Variants in SPAG16 observed in about 807,000 individuals in gnomAD.
SPAG16 encodes sperm associated antigen 16.
In SPAG16, 86 loss-of-function variants were observed where a neutral mutation model predicts 80.4. That is an observed-to-expected ratio of 1.07 (90% CI 0.90 to 1.28). The LOEUF (loss-of-function observed/expected upper bound fraction) is 1.28. Ranked by LOEUF, SPAG16 falls within the 50% of genes most tolerant of loss-of-function variation. The pLI is 0.00. For synonymous variants in SPAG16, 294 were observed against 265.9 expected (o/e 1.11, Z -1.03); for missense variants, 870 against 765.3 (o/e 1.14, Z -1.61).
chr2:214,152,166 T>C (rs2056005200), intron 15 of SPAG16, among the ~76,000 whole-genome samples: 1 of 103,136 alleles, frequency 9.7e-6, no homozygotes, highest in Non-Finnish European at 1.8e-5. Flanking sequence ...TTTTGATGTA[T>C]AACAAAATTT....
intron 10 of SPAG16, among the ~76,000 whole-genome samples, chr2:213,516,121 A>G (rs2075414278): frequency 6.6e-6 from 1 of 152,238 alleles, no homozygotes; most frequent in Non-Finnish European, 1.5e-5. Context: ...GTTGGCATAA[A>G]ATGGGAAACC....
chr2:213,760,736 G>A (rs745756043), intron 10 of SPAG16, among the ~76,000 whole-genome samples: 1 of 152,052 alleles, frequency 6.6e-6, no homozygotes, highest in African/African-American at 2.4e-5. Flanking sequence ...ATTTTTTGCT[G>A]TTATAACAAA....
intron 9 of SPAG16, among the ~76,000 whole-genome samples, chr2:213,401,126 G>A (rs570034309): frequency 1.3e-5 from 2 of 152,318 alleles, no homozygotes; most frequent in African/African-American, 4.8e-5. Context: ...GATTATTGAT[G>A]TAGAGCTTGG....
In SPAG16 at chr2:214,042,001, TATATATAC is replaced by T. The variant is rs201568880; in HGVS notation, c.1527+27926_1527+27933del. Among the ~76,000 whole-genome samples, 1,246 of 127,308 alleles carry T rather than the reference TATATATAC, an allele frequency of 9.8e-3. 23 individuals carry two copies. The highest frequency in any genetic ancestry group is 0.036 in the African/African-American group (1,126 of 31,300). The allele number at this position is 127,308 out of a possible 152,430, so 83.5% of individuals were successfully genotyped here. ...GTGTATATATATATATATATATATA[TATATATAC>T]ACACACACACAAATATATACACAAA... On this transcript the variant is annotated intron_variant, in intron 13 of 15. Transcript: ENST00000331683.
At chr2:213,335,065 TCTA>T (rs1227731685) in intron 5 of SPAG16, among the ~76,000 whole-genome samples, 2 of 152,180 alleles carry the variant, frequency 1.3e-5, no homozygotes, top group African/African-American at 4.8e-5. Flanking sequence ...AATATATACA[TCTA>T]CTATGTACCC....
intron 10 of SPAG16, among the ~76,000 whole-genome samples, chr2:213,504,756 A>T (rs538625826): frequency 3.3e-5 from 5 of 152,344 alleles, no homozygotes; most frequent in Admixed American, 1.3e-4. Context: ...AATGGGGAAA[A>T]AAGGGGAAGT....
intron 11 of SPAG16, among the ~76,000 whole-genome samples, chr2:213,889,635 A>G (rs955397911): frequency 1.3e-5 from 2 of 150,046 alleles, no homozygotes; most frequent in African/African-American, 4.9e-5. Flanking sequence ...ATACATATAC[A>G]TATACACACA....
intron 10 of SPAG16, among the ~76,000 whole-genome samples, chr2:213,552,371 AT>A (rs1688648519): frequency 6.6e-6 from 1 of 152,196 alleles, no homozygotes; most frequent in African/African-American, 2.4e-5. Context: ...TCTTCATGCT[AT>A]GGACATTTCT....
chr2:213,536,924 C>G (rs1187028832), intron 10 of SPAG16, among the ~76,000 whole-genome samples: 2 of 151,876 alleles, frequency 1.3e-5, no homozygotes, highest in Non-Finnish European at 1.5e-5. Flanking sequence ...AAATGTCCAA[C>G]AATGATAGAC....
intron 15 of SPAG16, among the ~76,000 whole-genome samples, chr2:214,241,665 A>G (rs185711144): frequency 9.7e-4 from 148 of 152,292 alleles, no homozygotes; most frequent in African/African-American, 3.4e-3. Context: ...TTTTTCTATC[A>G]ATCTAAAACT....
chr2:214,350,151 G>T (rs965756327), intron 15 of SPAG16, among the ~76,000 whole-genome samples: 2 of 152,114 alleles, frequency 1.3e-5, no homozygotes, highest in Admixed American at 6.5e-5. Flanking sequence ...ATAATGCAAG[G>T]TTTTCTTTTT....
intron 12 of SPAG16, among the ~76,000 whole-genome samples, chr2:213,944,492 A>G (rs2079355216): frequency 6.6e-6 from 1 of 152,210 alleles, no homozygotes; most frequent in Admixed American, 6.5e-5. Context: ...AACGGGTTTC[A>G]CACGTTCACA....
intron 15 of SPAG16, among the ~76,000 whole-genome samples, chr2:214,298,145 CACACACACACAT>C (rs1559192598): frequency 2.3e-4 from 4 of 17,178 alleles, no homozygotes; most frequent in Non-Finnish European, 4.1e-4. Flanking sequence ...TACACATACA[CACACACACACAT>C]ATACACACAC....
intron 13 of SPAG16, among the ~76,000 whole-genome samples, chr2:214,058,045 A>T (rs2050039244): frequency 6.6e-6 from 1 of 152,130 alleles, no homozygotes; most frequent in Non-Finnish European, 1.5e-5. Context: ...GACCACCAAA[A>T]CTGTCTCCAT....
At chr2:213,535,245 A>G (rs1001228871) in intron 10 of SPAG16, among the ~76,000 whole-genome samples, 1 of 152,144 alleles carries the variant, frequency 6.6e-6, no homozygotes, top group African/African-American at 2.4e-5. Context: ...AATGAGTACA[A>G]AAACATCAAT....
At chr2:213,462,082 G>A (rs1212189398) in intron 9 of SPAG16, among the ~76,000 whole-genome samples, 1 of 152,208 alleles carries the variant, frequency 6.6e-6, no homozygotes, top group Non-Finnish European at 1.5e-5. Flanking sequence ...AAGTGTTGAT[G>A]GTGACACATT....
At chr2:213,464,866 A>T (rs1226724319) in intron 9 of SPAG16, among the ~76,000 whole-genome samples, 1 of 152,210 alleles carries the variant, frequency 6.6e-6, no homozygotes, top group Non-Finnish European at 1.5e-5. Flanking sequence ...GAAGTTTGCC[A>T]TCCTCCAGTT....
intron 9 of SPAG16, among the ~76,000 whole-genome samples, chr2:213,455,607 A>T (rs1490154660): frequency 6.6e-6 from 1 of 152,170 alleles, no homozygotes; most frequent in Non-Finnish European, 1.5e-5. Flanking sequence ...GCAGGGGTTT[A>T]GTTTGGGGCC....
chr2:213,547,596 A>G (rs1184149634), intron 10 of SPAG16, among the ~76,000 whole-genome samples: 7 of 151,916 alleles, frequency 4.6e-5, no homozygotes, highest in African/African-American at 1.5e-4. Flanking sequence ...AAAGAGTGTG[A>G]TTTTAGAGTA....
Sources: allele counts gnomAD v4.1 joint callset (sites outside exome capture counted in the v4.1 genomes callset), GRCh38; gene constraint gnomAD v4.1.1; transcripts MANE v1.5; gene names NCBI Gene and HGNC (gene_info 2026-07-23, HGNC 2026-07-21).